The following FGGY variants were observed in gnomAD, a reference collection of about 807,000 sequenced individuals.
FGGY encodes FGGY carbohydrate kinase domain-containing protein.
A neutral mutation model predicts 71.3 loss-of-function variants in FGGY; 72 were observed. The observed-to-expected ratio is 1.01, with a 90% CI of 0.84 to 1.23. The LOEUF (loss-of-function observed/expected upper bound fraction) is 1.23. Among genes scored for constraint, FGGY ranks in the 50% most tolerant of loss-of-function variants. The probability of loss-of-function intolerance (pLI) is 0.00; values close to 1 mark genes in which losing one functional copy is unlikely to be tolerated. For missense variants in FGGY, 668 were observed against 682.3 expected, an observed-to-expected ratio of 0.98 and a Z score of 0.23; for synonymous variants, 251 against 250.3, an observed-to-expected ratio of 1.00 and a Z score of -0.02.
At chr1:59,644,626 C>G (rs937184116) in intron 11 of FGGY, among the ~76,000 whole-genome samples, 15 of 151,936 alleles carry the variant, frequency 9.9e-5, no homozygotes, top group Admixed American at 1.3e-4. Flanking sequence ...CGCCCCCCCC[C>G]ACCCAAAGAA....
At chr1:59,639,302 T>G (rs2096994280) in intron 11 of FGGY, among the ~76,000 whole-genome samples, 1 of 152,190 alleles carries the variant, frequency 6.6e-6, no homozygotes, top group South Asian at 2.1e-4. Flanking sequence ...TTTTAAATAT[T>G]TTTATGATGC....
At chr1:59,298,471 G>A (rs1211114236) in intron 1 of FGGY, among the ~76,000 whole-genome samples, 2 of 152,216 alleles carry the variant, frequency 1.3e-5, no homozygotes, top group African/African-American at 4.8e-5. Context: ...GGAGAGCCAT[G>A]TCTTTCTGGA....
At chr1:59,611,275 A>G (rs1447056876) in intron 9 of FGGY, among the ~76,000 whole-genome samples, 2 of 152,160 alleles carry the variant, frequency 1.3e-5, no homozygotes, top group African/African-American at 4.8e-5. Flanking sequence ...GTAGGGGCCG[A>G]CTGACACCTC....
intron 5 of FGGY, among the ~76,000 whole-genome samples, chr1:59,417,004 T>C (rs2064561227): frequency 6.6e-6 from 1 of 152,214 alleles, no homozygotes; most frequent in Admixed American, 6.5e-5. Context: ...ATTTTATGTA[T>C]ACAGTATAGT....
At chr1:59,561,247 G>C (rs2095789219) in intron 8 of FGGY, among the ~76,000 whole-genome samples, 1 of 152,186 alleles carries the variant, frequency 6.6e-6, no homozygotes, top group Non-Finnish European at 1.5e-5. Context: ...AAAGTGCTGA[G>C]GTGCTGCTCA....
intron 2 of FGGY, among the ~76,000 whole-genome samples, chr1:59,338,677 A>T (rs962049995): frequency 2.8e-4 from 43 of 152,058 alleles, no homozygotes; most frequent in South Asian, 1.5e-3. Context: ...ACCTCTTTTT[A>T]AAAAAAATCT....
At chr1:59,608,598 T>C (rs1233441700) in intron 9 of FGGY, among the ~76,000 whole-genome samples, 1 of 152,138 alleles carries the variant, frequency 6.6e-6, no homozygotes, top group East Asian at 1.9e-4. Flanking sequence ...TTTGTGAGGC[T>C]GGGGCGGGCA....
intron 14 of FGGY, among the ~76,000 whole-genome samples, chr1:59,711,798 A>G (rs1257233182): frequency 3.9e-5 from 6 of 152,262 alleles, no homozygotes; most frequent in Middle Eastern, 3.4e-3. Context: ...CCATGAATCA[A>G]TCATCTCCCT....
At chr1:59,337,059 A>ATT (rs1557591500) in intron 2 of FGGY, among the ~76,000 whole-genome samples, 30 of 148,496 alleles carry the variant, frequency 2.0e-4, no homozygotes, top group African/African-American at 7.4e-4. Context: ...ATATATATAT[A>ATT]TATATATATG....
chr1:59,485,949 T>C (rs554204133), intron 6 of FGGY, among the ~76,000 whole-genome samples: 1 of 152,272 alleles, frequency 6.6e-6, no homozygotes, highest in Non-Finnish European at 1.5e-5. Flanking sequence ...CTTGACAACA[T>C]TCTAAAAACA....
chr1:59,297,592 G>A (rs1361750601), intron 1 of FGGY, among the ~76,000 whole-genome samples: 1 of 152,206 alleles, frequency 6.6e-6, no homozygotes, highest in Non-Finnish European at 1.5e-5. Flanking sequence ...GGAGGCCAAG[G>A]CGGGTGGATC....
intron 4 of FGGY, among the ~76,000 whole-genome samples, chr1:59,356,189 T>C (rs1463753781): frequency 2.6e-5 from 4 of 152,130 alleles, no homozygotes; most frequent in Admixed American, 1.3e-4. Flanking sequence ...GCACTTGAAT[T>C]TGAGACTTAG....
chr1:59,705,725 G>A (rs950977383), intron 14 of FGGY, among the ~76,000 whole-genome samples: 10 of 152,168 alleles, frequency 6.6e-5, no homozygotes, highest in African/African-American at 2.4e-4. Context: ...TCTGTAGAAT[G>A]GAGCTAATCA....
chr1:59,544,676 A>G (rs1286385888), intron 7 of FGGY, among the ~76,000 whole-genome samples: 1 of 152,238 alleles, frequency 6.6e-6, no homozygotes, highest in Non-Finnish European at 1.5e-5. Flanking sequence ...AGGAAATGCC[A>G]TTATTTCCAC....
intron 11 of FGGY, among the ~76,000 whole-genome samples, chr1:59,644,212 G>A (rs2097066319): frequency 6.6e-6 from 1 of 152,162 alleles, no homozygotes; most frequent in Non-Finnish European, 1.5e-5. Flanking sequence ...GTTTGACCTG[G>A]TTCTAATGCC....
chr1:59,625,955 C>T (rs754701095), intron 9 of FGGY, 33 bp from the exon 10 acceptor site: 1 of 1,540,656 alleles, frequency 6.5e-7, no homozygotes, highest in African/African-American at 1.4e-5. Flanking sequence ...ATTAAAGAAG[C>T]TATAAAATTG....
chr1:59,554,037 G>A (rs959403681), intron 7 of FGGY, 87 bp from the exon 8 acceptor site: 14 of 1,065,294 alleles, frequency 1.3e-5, no homozygotes, highest in Non-Finnish European at 1.6e-5. Context: ...CTATTAAAAA[G>A]AAGATTTGTT....
intron 6 of FGGY, among the ~76,000 whole-genome samples, chr1:59,473,147 C>T (rs919312536): frequency 1.2e-4 from 19 of 152,186 alleles, no homozygotes; most frequent in Admixed American, 1.2e-3. Context: ...AATCTTGCTG[C>T]TGCTCACTCT....
intron 8 of FGGY, among the ~76,000 whole-genome samples, chr1:59,579,022 CTT>C (rs1375906142): frequency 1.3e-5 from 2 of 152,156 alleles, no homozygotes; most frequent in African/African-American, 4.8e-5. Flanking sequence ...CCCACTCTCT[CTT>C]GAGCCCAATC....
Sources: allele counts gnomAD v4.1 joint callset (sites outside exome capture counted in the v4.1 genomes callset), GRCh38; gene constraint gnomAD v4.1.1; transcripts MANE v1.5; gene names NCBI Gene and HGNC (gene_info 2026-07-23, HGNC 2026-07-21).